Variants in ROGDI observed in about 807,000 individuals in gnomAD.
The protein encoded by ROGDI is protein rogdi homolog.
In ROGDI, 46 loss-of-function variants were observed where a neutral mutation model predicts 43.1. The ratio of observed to expected loss-of-function variants is 1.07; its 90% CI spans 0.84 to 1.37. The LOEUF (loss-of-function observed/expected upper bound fraction) is 1.37. Among genes scored for constraint, ROGDI ranks in the 40% most tolerant of loss-of-function variants. The probability of loss-of-function intolerance (pLI) is 0.00; values close to 1 mark genes in which losing one functional copy is unlikely to be tolerated. For missense variants in ROGDI, 518 were observed against 383.9 expected, an observed-to-expected ratio of 1.35 and a Z score of -2.92; for synonymous variants, 243 against 162.0, an observed-to-expected ratio of 1.50 and a Z score of -3.80.
chr16:4,800,222 G>T (rs939556377), intron 5 of ROGDI, among the ~76,000 whole-genome samples: 3 of 152,156 alleles, frequency 2.0e-5, no homozygotes, highest in Non-Finnish European at 1.5e-5. Flanking sequence ...CTTTTCAGAG[G>T]GCTTCTGAAC....
chr16:4,797,270 C>G lies in ROGDI; in HGVS notation c.*190G>C. On this transcript the variant is annotated 3_prime_UTR_variant, in exon 11 of 11. Transcript: ENST00000322048. ...CGCCTCCCTGACCTCCCCACTACCC[C>G]ACCAAACCAGCCTTCCTTCCTCCTG... 4 of 598,064 alleles carry G rather than the reference C, an allele frequency of 6.7e-6. No individual in the cohort carries two copies. The highest frequency in any genetic ancestry group is 1.2e-5 in the Non-Finnish European group (4 of 341,864). 37.0% of individuals were successfully genotyped at this position (598,064 alleles called of 1,614,324 possible). A position where few individuals can be genotyped will look rare whatever the true frequency, so the allele number is the denominator to read the frequency against.
chr16:4,797,582 T>G, intron 10 of ROGDI, 81 bp from the exon 11 acceptor site: 1 of 598,862 alleles, frequency 1.7e-6, no homozygotes, highest in Non-Finnish European at 2.2e-6. Flanking sequence ...CCAAGGACAA[T>G]ATGTCAGGAC....
chr16:4,800,556 C>T lies in ROGDI; in HGVS notation c.278G>A (p.Arg93Gln), dbSNP rs865861514. The T allele has an allele frequency of 1.0e-5, 16 of 1,568,408 alleles. No homozygotes were observed. The highest frequency in any genetic ancestry group is 4.7e-5 in the South Asian group (4 of 85,324). Residue 93 changes from arginine to glutamine, a missense_variant, in exon 5 of 11, where the codon CGG becomes CAG. Transcript: ENST00000322048. ...GGCGAAGTGCAGCAGCTGGTTGTTC[C>T]GGGGCATCTTCAGGTTCACATCCTG... The part of the protein sequence containing the change: ...SQADVNLKMP[R>Q]NNQLLHFAFR...
In ROGDI at chr16:4,802,365, AGGG is replaced by A; in HGVS notation, c.117+14_117+16del. On this transcript the variant is annotated intron_variant, in intron 2 of 10. Transcript: ENST00000322048. ...GGAGGGCCGCCACGCCCGGCGGGGC[AGGG>A]CGCGGGTCGTTACCTTGAGGATGTC... is the stretch of plus-strand genomic sequence containing the variant. 2 of 1,556,390 alleles carry A rather than the reference AGGG, an allele frequency of 1.3e-6. No homozygotes were observed. Among genetic ancestry groups the A allele is most frequent in the South Asian group, 2.4e-5 (2 of 84,328 alleles).
chr16:4,802,151 C>T (rs1418217765), intron 2 of ROGDI: 8 of 653,756 alleles, frequency 1.2e-5, no homozygotes, highest in South Asian at 1.1e-4. Flanking sequence ...CGACCCGAGG[C>T]CGGGCGGGAC....
chr16:4,800,134 G>C (rs1026195351), intron 5 of ROGDI, among the ~76,000 whole-genome samples: 24 of 152,286 alleles, frequency 1.6e-4, no homozygotes, highest in African/African-American at 3.1e-4. Flanking sequence ...GGGCCCATTG[G>C]TACAGGAGCT....
chr16:4,801,831 CAG>C, intron 2 of ROGDI: 1 of 592,274 alleles, frequency 1.7e-6, no homozygotes, highest in Non-Finnish European at 3.0e-6. Context: ...GAATACAAAA[CAG>C]ACAGGGGCAG....
chr16:4,802,158 G>A (rs756302200), intron 2 of ROGDI: 3 of 655,970 alleles, frequency 4.6e-6, no homozygotes, highest in South Asian at 3.1e-5. Flanking sequence ...AGGCCGGGCG[G>A]GACTCAGGCC....
rs1392664345 is a variant in ROGDI, at chr16:4,799,780, A to T, written c.338T>A (p.Ile113Asn). The T allele has an allele frequency of 6.2e-7, 1 of 1,612,220 alleles. No homozygotes were observed. Among genetic ancestry groups the T allele is most frequent in the Admixed American group, 1.7e-5 (1 of 59,906 alleles). Residue 113 changes from isoleucine to asparagine, a missense_variant and splice_region_variant, in exon 6 of 11, where the codon ATC becomes AAC. Transcript: ENST00000322048. ...GCTCACATGGTTTCTGGCATCCTGG[A>T]TCTGGAAGCAGGGGTCATCCAGAGG... ...REDKQWKLQQ[I>N]QDARNHVSQA...
intron 2 of ROGDI, 23 bp downstream of exon 2, chr16:4,802,359 C>A: frequency 1.3e-6 from 2 of 1,550,924 alleles, no homozygotes; most frequent in Non-Finnish European, 1.7e-6. Context: ...CCACGCCCGG[C>A]GGGGCAGGGC....
chr16:4,800,604 G>A lies in ROGDI; in HGVS notation c.256-26C>T, dbSNP rs201101477. On this transcript the variant is annotated intron_variant, in intron 4 of 10. Coordinates refer to ENST00000322048, the MANE Select transcript of ROGDI (RefSeq NM_024589.3). ...CTGACAGGCAAGAGTGGGGTGAGCT[G>A]GGCAGTGGGGGGGCACCTCCTGCCA... 1.4e-5 allele frequency: 22 copies of A among 1,527,050 alleles called. No individual in the cohort carries two copies. In the African/African-American group the frequency reaches 2.5e-4, roughly 17 times the overall value. 94.6% of individuals were successfully genotyped at this position (1,527,050 alleles called of 1,614,324 possible). A position where few individuals can be genotyped will look rare whatever the true frequency, so the allele number is the denominator to read the frequency against.
chr16:4,802,585 C>A lies in ROGDI; in HGVS notation c.-14G>T. On this transcript the variant is annotated 5_prime_UTR_variant, in exon 1 of 11. Coordinates refer to ENST00000322048, the MANE Select transcript of ROGDI (RefSeq NM_024589.3). ...CACGGTGGCCATGGCCGCAGGCCGCCGCCGAGCGCCCTCCCCACCGGCCGC... is the reference window on the plus strand; with the variant it reads ...CACGGTGGCCATGGCCGCAGGCCGCAGCCGAGCGCCCTCCCCACCGGCCGC... The A allele has an allele frequency of 7.6e-7, 1 of 1,312,920 alleles. No homozygotes were observed. Among genetic ancestry groups the A allele is most frequent in the Non-Finnish European group, 9.8e-7 (1 of 1,023,994 alleles). The allele number at this position is 1,312,920 out of a possible 1,614,324, so 81.3% of individuals were successfully genotyped here.
At chr16:4,801,439 T>G in intron 3 of ROGDI, 64 bp downstream of exon 3, 2 of 1,569,940 alleles carry the variant, frequency 1.3e-6, no homozygotes, top group East Asian at 2.3e-5. Flanking sequence ...AGGACAGGGC[T>G]ATGGCCATGC....
At chr16:4,799,598 C>G in intron 6 of ROGDI, 88 bp downstream of exon 6, 1 of 948,038 alleles carries the variant, frequency 1.1e-6, no homozygotes, top group South Asian at 1.5e-5. Flanking sequence ...CACAGCTCAA[C>G]GTGGAGGCCC....
chr16:4,797,743 G>C lies in ROGDI; in HGVS notation c.793C>G (p.Leu265Val), dbSNP rs746176256. 1 of 1,471,402 alleles carries C rather than the reference G, an allele frequency of 6.8e-7. No individual in the cohort carries two copies. The highest frequency in any genetic ancestry group is 2.1e-5 in the Admixed American group (1 of 48,452). 91.1% of individuals were successfully genotyped at this position (1,471,402 alleles called of 1,614,324 possible). The stretch of plus-strand genomic sequence containing the variant: ...TCCTTGAGCTGCTGGCAGAGCTGCA[G>C]GGAGACGGTGAAGTAGACCAGGGCG... ...NDALVYFTVS[L>V]QLCQQLKDKI... Residue 265 changes from leucine to valine, a missense_variant, in exon 10 of 11, where the codon CTG becomes GTG. By Grantham distance (32) the Leu-to-Val change is conservative. Coordinates refer to ENST00000322048, the MANE Select transcript of ROGDI (RefSeq NM_024589.3).
At chr16:4,797,866 G>A in intron 9 of ROGDI, 26 bp from the exon 10 acceptor site, 1 of 1,609,106 alleles carries the variant, frequency 6.2e-7, no homozygotes, top group Non-Finnish European at 8.5e-7. Context: ...GGGTCCCTGA[G>A]GAGGGTCCCG....
chr16:4,800,465 T>A (rs557011803), intron 5 of ROGDI, 33 bp downstream of exon 5: 1 of 1,533,102 alleles, frequency 6.5e-7, no homozygotes, highest in Admixed American at 2.0e-5. Flanking sequence ...CCTGTCCTTG[T>A]GGCTGAGCAC....
At chr16:4,800,651 C>T (rs1567602186) in intron 4 of ROGDI, 73 bp from the exon 5 acceptor site, 1 of 1,270,854 alleles carries the variant, frequency 7.9e-7, no homozygotes, top group East Asian at 2.5e-5. Flanking sequence ...AGCCCTTAAG[C>T]CCAGGGCAGA....
chr16:4,798,606 G>GCCA lies in ROGDI; in HGVS notation c.493_494insTGG (p.Thr165delinsMetAla). The GCCA allele has an allele frequency of 6.4e-7, 1 of 1,574,382 alleles. No individual in the cohort carries two copies. The highest frequency in any genetic ancestry group is 8.6e-7 in the Non-Finnish European group (1 of 1,165,296). On this transcript the variant is annotated protein_altering_variant, in exon 7 of 11. Coordinates refer to ENST00000322048, the MANE Select transcript of ROGDI (RefSeq NM_024589.3). ...GGCGGCGATCTCGGGGAGGGTGAGGGTGGCGGGGGTGGTGAGCCGGTTTCG... is the reference window on the plus strand; with the variant it reads ...GGCGGCGATCTCGGGGAGGGTGAGGGCCATGGCGGGGGTGGTGAGCCGGTTTCG...
Sources: allele counts gnomAD v4.1 joint callset (sites outside exome capture counted in the v4.1 genomes callset), GRCh38; gene constraint gnomAD v4.1.1; transcripts MANE v1.5; gene names NCBI Gene and HGNC (gene_info 2026-07-23, HGNC 2026-07-21).